OPCML: variants seen among roughly 807,000 people sequenced by gnomAD.
The protein encoded by OPCML is opioid-binding protein/cell adhesion molecule.
In OPCML, 13 loss-of-function variants were observed where a neutral mutation model predicts 37.8. The observed-to-expected ratio is 0.34, with a 90% CI of 0.22 to 0.55. The LOEUF (loss-of-function observed/expected upper bound fraction) is 0.55, where lower values mean the gene tolerates loss of function less well. Among genes scored for constraint, OPCML ranks in the 20% least tolerant of loss-of-function variants. The pLI, the probability that OPCML is intolerant of heterozygous loss-of-function variation, is 0.91. For synonymous variants in OPCML, 176 were observed against 168.8 expected (o/e 1.04, Z -0.33); for missense variants, 341 against 435.6 (o/e 0.78, Z 1.93).
At chr11:133,327,964 G>A (rs564029308) in intron 1 of OPCML, among the ~76,000 whole-genome samples, 6 of 152,190 alleles carry the variant, frequency 3.9e-5, no homozygotes, top group Admixed American at 2.6e-4. Context: ...AACACTATAC[G>A]GGTTTGGTGG....
chr11:133,319,166 G>C (rs577808251), intron 1 of OPCML, among the ~76,000 whole-genome samples: 2 of 152,164 alleles, frequency 1.3e-5, no homozygotes, highest in Non-Finnish European at 2.9e-5. Context: ...TTTCACCTAG[G>C]ATACCAATCA....
intron 3 of OPCML, among the ~76,000 whole-genome samples, chr11:132,583,094 G>A (rs571211414): frequency 4.0e-5 from 6 of 151,794 alleles, no homozygotes; most frequent in East Asian, 1.9e-4. Flanking sequence ...TCCCTCTGTC[G>A]CTCAGGCTGG....
At chr11:133,378,651 TTC>T (rs1241535483) in intron 1 of OPCML, among the ~76,000 whole-genome samples, 1 of 152,064 alleles carries the variant, frequency 6.6e-6, no homozygotes, top group Non-Finnish European at 1.5e-5. Flanking sequence ...GCATGCGAAT[TTC>T]TTTCTTTTCT....
intron 1 of OPCML, among the ~76,000 whole-genome samples, chr11:133,319,873 G>A (rs1943289401): frequency 6.6e-6 from 1 of 152,146 alleles, no homozygotes; most frequent in Non-Finnish European, 1.5e-5. Flanking sequence ...ACAAGTCTTT[G>A]GCCTAATTTA....
intron 4 of OPCML, among the ~76,000 whole-genome samples, chr11:132,442,419 C>T (rs1178149203): frequency 6.6e-6 from 1 of 152,190 alleles, no homozygotes; most frequent in Non-Finnish European, 1.5e-5. Context: ...ATCAATCTTG[C>T]ATCCAATTTT....
intron 3 of OPCML, among the ~76,000 whole-genome samples, chr11:132,567,422 A>G (rs1029470221): frequency 2.0e-5 from 3 of 152,160 alleles, no homozygotes; most frequent in Admixed American, 6.5e-5. Flanking sequence ...TTTTGTCACC[A>G]TGTCACAAGG....
At chr11:132,672,949 T>C (rs537666916) in intron 2 of OPCML, among the ~76,000 whole-genome samples, 2 of 152,302 alleles carry the variant, frequency 1.3e-5, no homozygotes, top group East Asian at 1.9e-4. Context: ...ATGAAATATT[T>C]TGGGGCTTCA....
At chr11:133,093,351 G>C (rs1185572484) in intron 1 of OPCML, among the ~76,000 whole-genome samples, 1 of 151,406 alleles carries the variant, frequency 6.6e-6, no homozygotes, top group Non-Finnish European at 1.5e-5. Context: ...GTACAGGTTT[G>C]CTACATAGGT....
rs1471566791 is a variant in OPCML at position 133,206,981 on chromosome 11, A to G, written c.62-263971T>C. On this transcript the variant is annotated intron_variant, in intron 1 of 7. Coordinates refer to ENST00000524381, the MANE Select transcript of OPCML (RefSeq NM_001012393.5). The surrounding 1 kb of genome is among the most constrained non-coding windows in gnomAD (Gnocchi z 4.7). The stretch of plus-strand genomic sequence containing the variant: ...TGCACTCACGTGATCTCTCAGAGGA[A>G]CGCCATAGAAAATCTCCTTCTAAGA... Among the ~76,000 whole-genome samples, 1 of 152,046 alleles carries G rather than the reference A, an allele frequency of 6.6e-6. No homozygotes were observed. The highest frequency in any genetic ancestry group is 1.5e-5 in the Non-Finnish European group (1 of 68,016).
intron 1 of OPCML, among the ~76,000 whole-genome samples, chr11:133,439,759 GC>G (rs1290298736): frequency 6.6e-6 from 1 of 152,046 alleles, no homozygotes; most frequent in African/African-American, 2.4e-5. Flanking sequence ...GAGCCACCGA[GC>G]CCGGCCCAAC....
At chr11:133,372,070 C>T (rs1019345338) in intron 1 of OPCML, among the ~76,000 whole-genome samples, 3 of 152,046 alleles carry the variant, frequency 2.0e-5, no homozygotes, top group African/African-American at 7.2e-5. Flanking sequence ...TACAAAGATA[C>T]ATTTAGATGG....
intron 1 of OPCML, among the ~76,000 whole-genome samples, chr11:133,172,618 G>C (rs1290611410): frequency 6.6e-6 from 1 of 152,146 alleles, no homozygotes; most frequent in African/African-American, 2.4e-5. Flanking sequence ...CATCTGTGTA[G>C]ACAGTGGCGA....
chr11:132,436,020 C>G (rs2096011837), intron 7 of OPCML, 66 bp downstream of exon 7: 6 of 1,537,306 alleles, frequency 3.9e-6, no homozygotes, highest in Non-Finnish European at 5.3e-6. Context: ...GCAACTTCCT[C>G]CCTCCTGAGT....
chr11:132,656,055 A>C (rs868500929), intron 3 of OPCML, among the ~76,000 whole-genome samples: 15 of 152,268 alleles, frequency 9.9e-5, no homozygotes, highest in Middle Eastern at 3.4e-3. Context: ...TGTTTCCTCA[A>C]GATATCTGCA....
intron 4 of OPCML, among the ~76,000 whole-genome samples, chr11:132,476,500 C>T (rs901696600): frequency 2.0e-5 from 3 of 152,084 alleles, no homozygotes; most frequent in Admixed American, 1.3e-4. Context: ...CCATGGAATA[C>T]TATGCGGCCA....
chr11:132,665,415 C>A (rs912510073), intron 2 of OPCML, among the ~76,000 whole-genome samples: 2 of 152,188 alleles, frequency 1.3e-5, no homozygotes, highest in Non-Finnish European at 2.9e-5. Context: ...TTTCTCACAC[C>A]ACGCAAGTGA....
At chr11:132,544,043 G>C (rs944444829) in intron 3 of OPCML, among the ~76,000 whole-genome samples, 2 of 151,992 alleles carry the variant, frequency 1.3e-5, no homozygotes, top group African/African-American at 4.8e-5. Context: ...CCAAAGACAA[G>C]TCTCATATTT....
At chr11:132,557,775 G>C (rs1027012868) in intron 3 of OPCML, among the ~76,000 whole-genome samples, 2 of 151,070 alleles carry the variant, frequency 1.3e-5, no homozygotes, top group African/African-American at 4.9e-5. Context: ...TGCATGAGAA[G>C]GTGATAAGTA....
At chr11:132,614,562 C>A (rs191245805) in intron 3 of OPCML, among the ~76,000 whole-genome samples, 1 of 152,084 alleles carries the variant, frequency 6.6e-6, no homozygotes, top group Non-Finnish European at 1.5e-5. Flanking sequence ...TCTCTCCCCA[C>A]GAATGAGCTG....
Sources: gnomAD v4.1 joint callset for allele counts (sites outside exome capture counted in the v4.1 genomes callset) on GRCh38, gnomAD v4.1.1 for gene constraint, Gnocchi (gnomAD v3.1) non-coding constraint, MANE v1.5 for transcripts, NCBI Gene and HGNC (gene_info 2026-07-23, HGNC 2026-07-21) for gene names.